NFIA: variants seen among roughly 807,000 people sequenced by gnomAD.
NFIA encodes the protein nuclear factor 1 A-type.
NFIA carries 8 observed loss-of-function variants against 62.8 expected under a neutral mutation model. That is an observed-to-expected ratio of 0.13 (90% CI 0.07 to 0.23). NFIA has a LOEUF of 0.23. Ranked by LOEUF, NFIA falls within the 10% of genes least tolerant of loss-of-function variation. NFIA has a pLI of 1.00. For missense variants in NFIA, 410 were observed against 642.1 expected, an observed-to-expected ratio of 0.64 and a Z score of 3.91; for synonymous variants, 235 against 238.1, an observed-to-expected ratio of 0.99 and a Z score of 0.12.
At chr1:61,337,057 G>A (rs142719084) in intron 4 of NFIA, among the ~76,000 whole-genome samples, 194 of 152,256 alleles carry the variant, frequency 1.3e-3, no homozygotes, top group Non-Finnish European at 2.1e-3. Context: ...TCCTCATGTG[G>A]ATTCACTGAA....
At chr1:61,111,766 T>C (rs1274018349) in intron 2 of NFIA, among the ~76,000 whole-genome samples, 1 of 152,126 alleles carries the variant, frequency 6.6e-6, no homozygotes, top group African/African-American at 2.4e-5. Context: ...TTAATGTCCG[T>C]TACTGCTAGA....
chr1:61,245,429 C>T (rs1442696163), intron 2 of NFIA, among the ~76,000 whole-genome samples: 3 of 152,044 alleles, frequency 2.0e-5, no homozygotes, highest in Admixed American at 2.0e-4. Context: ...ATGGTCGAAG[C>T]TTTTGTTCTT....
chr1:61,401,712 T>C (rs970684558), intron 7 of NFIA, among the ~76,000 whole-genome samples: 19 of 152,214 alleles, frequency 1.2e-4, no homozygotes, highest in Admixed American at 1.2e-3. Flanking sequence ...GTGTTTGGCA[T>C]TCTGCAAAAG....
At chr1:61,146,579 T>G (rs977817804) in intron 2 of NFIA, among the ~76,000 whole-genome samples, 2 of 152,174 alleles carry the variant, frequency 1.3e-5, no homozygotes, top group Admixed American at 1.3e-4. Flanking sequence ...AAACCCCTCC[T>G]CCAAGGAGCC....
intron 2 of NFIA, among the ~76,000 whole-genome samples, chr1:61,253,948 C>G (rs750115121): frequency 6.6e-6 from 1 of 151,512 alleles, no homozygotes; most frequent in East Asian, 1.9e-4. Flanking sequence ...ATTTTTAAAA[C>G]TTTTTTTTTC....
intron 2 of NFIA, among the ~76,000 whole-genome samples, chr1:61,120,479 T>A (rs534341290): frequency 2.3e-4 from 35 of 152,282 alleles, no homozygotes; most frequent in African/African-American, 7.7e-4. Context: ...CCAGGCACAC[T>A]CTGGTCGTTT....
At chr1:61,454,580 T>C (rs530830916) in intron 10 of NFIA, among the ~76,000 whole-genome samples, 1 of 152,310 alleles carries the variant, frequency 6.6e-6, no homozygotes, top group South Asian at 2.1e-4. Context: ...TGATCCTACT[T>C]AGTTATTATG....
chr1:61,258,266 T>C (rs1289058544), intron 2 of NFIA, among the ~76,000 whole-genome samples: 1 of 152,208 alleles, frequency 6.6e-6, no homozygotes, highest in Non-Finnish European at 1.5e-5. Context: ...GTATACATCA[T>C]GCCAAAGATA....
chr1:61,125,859 G>A (rs1570211799), intron 2 of NFIA, among the ~76,000 whole-genome samples: 1 of 152,104 alleles, frequency 6.6e-6, no homozygotes, highest in Non-Finnish European at 1.5e-5. Context: ...ATGATGTCTA[G>A]CCACCTTCCT....
intron 2 of NFIA, among the ~76,000 whole-genome samples, chr1:61,203,672 C>T (rs983224172): frequency 6.6e-6 from 1 of 152,074 alleles, no homozygotes; most frequent in Non-Finnish European, 1.5e-5. Context: ...ATCTGGTTTA[C>T]GTTGTAGTTG....
At chr1:61,376,836 T>C (rs1664171665) in intron 6 of NFIA, among the ~76,000 whole-genome samples, 1 of 152,156 alleles carries the variant, frequency 6.6e-6, no homozygotes, top group South Asian at 2.1e-4. Flanking sequence ...CCTAGACAAA[T>C]TGTTTAACAT....
chr1:61,389,589 A>G (rs1249841275), intron 7 of NFIA, among the ~76,000 whole-genome samples: 1 of 152,204 alleles, frequency 6.6e-6, no homozygotes, highest in African/African-American at 2.4e-5. Context: ...TTTTTGCCAT[A>G]TCAGTAGTTT....
intron 1 of NFIA, among the ~76,000 whole-genome samples, chr1:61,086,656 C>T (rs1425675192): frequency 3.9e-5 from 6 of 152,016 alleles, no homozygotes; most frequent in Non-Finnish European, 7.4e-5. Context: ...TATATACTTA[C>T]TTTTAAAAGC....
At chr1:61,351,394 A>G (rs768153848) in intron 4 of NFIA, among the ~76,000 whole-genome samples, 1 of 152,132 alleles carries the variant, frequency 6.6e-6, no homozygotes, top group Non-Finnish European at 1.5e-5. Context: ...GATAACCCTT[A>G]TTGTTATTTC....
chr1:61,392,160 T>G (rs1044595936), intron 7 of NFIA, among the ~76,000 whole-genome samples: 6 of 151,960 alleles, frequency 3.9e-5, no homozygotes, highest in African/African-American at 1.5e-4. Context: ...CCTAGCCTAA[T>G]GGGCAGCGTT....
In NFIA at chr1:61,426,571, T is replaced by G; in HGVS notation, c.1512+15T>G. On this transcript the variant is annotated intron_variant, in intron 10 of 10. Coordinates refer to ENST00000403491, the MANE Select transcript of NFIA (RefSeq NM_001134673.4). ...AACAGACACAGGTGGGCCGCTCTCA[T>G]CTTTTCTGTATGTGGTGCAGCTTGT... The G allele has an allele frequency of 6.5e-7, 1 of 1,537,280 alleles. No individual in the cohort carries two copies. The highest frequency in any genetic ancestry group is 8.8e-7 in the Non-Finnish European group (1 of 1,133,798).
At chr1:61,079,665 G>T (rs1445052119), upstream of NFIA, among the ~76,000 whole-genome samples, 1 of 152,154 alleles carries the variant, frequency 6.6e-6, no homozygotes, top group African/African-American at 2.4e-5. Flanking sequence ...CAGTGAACTA[G>T]TTTCCATACT....
intron 6 of NFIA, among the ~76,000 whole-genome samples, chr1:61,361,942 G>A (rs1305776133): frequency 1.3e-5 from 2 of 151,932 alleles, no homozygotes; most frequent in East Asian, 3.9e-4. Context: ...ATGTTTATAG[G>A]GAGTGATAGA....
At chr1:61,300,881 A>G (rs777927467) in intron 3 of NFIA, among the ~76,000 whole-genome samples, 1 of 152,154 alleles carries the variant, frequency 6.6e-6, no homozygotes, top group Non-Finnish European at 1.5e-5. Flanking sequence ...CAAGTAAAAA[A>G]TGAGAATTAG....
Sources: allele counts gnomAD v4.1 joint callset (sites outside exome capture counted in the v4.1 genomes callset), GRCh38; gene constraint gnomAD v4.1.1; transcripts MANE v1.5; gene names NCBI Gene and HGNC (gene_info 2026-07-23, HGNC 2026-07-21).